Variants in CCDC141 observed in about 807,000 individuals in gnomAD.
The protein encoded by CCDC141 is coiled-coil domain-containing protein 141.
Under a neutral mutation model 181.0 loss-of-function variants are expected in CCDC141, and 168 were observed. The ratio of observed to expected loss-of-function variants is 0.93; its 90% CI spans 0.82 to 1.05. The LOEUF (loss-of-function observed/expected upper bound fraction) is 1.05, where lower values mean the gene tolerates loss of function less well. Ranked by LOEUF, CCDC141 falls within the 50% of genes least tolerant of loss-of-function variation. CCDC141 has a pLI of 0.00. For synonymous variants in CCDC141, 666 were observed against 642.3 expected (o/e 1.04, Z -0.56); for missense variants, 1,902 against 1,788.5 (o/e 1.06, Z -1.14).
intron 11 of CCDC141, among the ~76,000 whole-genome samples, chr2:178,882,663 G>C (rs10171447): frequency 0.25 from 38,421 of 152,000 alleles, 5,457 homozygotes; most frequent in African/African-American, 0.37. Flanking sequence ...CTTGAGAATT[G>C]CTACCAAATG....
intron 2 of CCDC141, among the ~76,000 whole-genome samples, chr2:179,047,022 C>T (rs1275179899): frequency 6.6e-6 from 1 of 151,642 alleles, no homozygotes; most frequent in Non-Finnish European, 1.5e-5. Flanking sequence ...ACTGAGGCAG[C>T]CAGGAAAAAA....
At chr2:179,031,449 A>AT in intron 2 of CCDC141, among the ~76,000 whole-genome samples, 1 of 151,304 alleles carries the variant, frequency 6.6e-6, no homozygotes, top group South Asian at 2.1e-4. Flanking sequence ...GTTCTTACTG[A>AT]TTTTCCCTGT....
chr2:179,048,421 G>A (rs1192070179), intron 1 of CCDC141, among the ~76,000 whole-genome samples: 1 of 152,062 alleles, frequency 6.6e-6, no homozygotes, highest in African/African-American at 2.4e-5. Flanking sequence ...TAAAATAAGA[G>A]TTTCCAGTGT....
chr2:178,855,235 C>T (rs745801858), intron 19 of CCDC141, 112 bp downstream of exon 19: 47 of 813,090 alleles, frequency 5.8e-5, no homozygotes, highest in Non-Finnish European at 8.2e-5. Flanking sequence ...TGAAAAGGAG[C>T]ATGATACATG....
Position 178,834,184 on chromosome 2 carries a change from G to A in CCDC141, c.4582C>T (p.Leu1528Phe). The change falls in exon 24 of 24, where the codon CTC becomes TTC. Residue 1528 changes from leucine to phenylalanine, a missense_variant. Physicochemically the swap from Leu to Phe is conservative, Grantham distance 22. Transcript: ENST00000443758. The part of the protein sequence containing the change: ...YVSVSLMYWL[L>F]TQ Reference sequence around the variant, plus strand: ...TGCCAACACCACAGTTATTGTGTGAGGAGCCAGTACATTAGGGACACACTA... The same window carrying A: ...TGCCAACACCACAGTTATTGTGTGAAGAGCCAGTACATTAGGGACACACTA... The A allele has an allele frequency of 6.5e-7, 1 of 1,535,692 alleles. No homozygotes were observed. The highest frequency in any genetic ancestry group is 2.0e-5 in the Admixed American group (1 of 50,988).
chr2:178,920,861 G>C (rs987706401), intron 6 of CCDC141, among the ~76,000 whole-genome samples: 1 of 152,124 alleles, frequency 6.6e-6, no homozygotes, highest in Non-Finnish European at 1.5e-5. Flanking sequence ...ATGAATACAG[G>C]AGTATAAAAT....
chr2:179,036,357 G>C (rs1050037845), intron 2 of CCDC141, among the ~76,000 whole-genome samples: 18 of 152,152 alleles, frequency 1.2e-4, no homozygotes, highest in African/African-American at 4.1e-4. Context: ...ACTCCATGTT[G>C]AAGAAGCCTA....
intron 2 of CCDC141, among the ~76,000 whole-genome samples, chr2:179,037,993 A>G (rs757988293): frequency 6.6e-6 from 1 of 152,238 alleles, no homozygotes; most frequent in Non-Finnish European, 1.5e-5. Flanking sequence ...CACAGGACCC[A>G]GCAATTTCAC....
intron 6 of CCDC141, among the ~76,000 whole-genome samples, chr2:178,930,293 T>A (rs1324260971): frequency 6.6e-6 from 1 of 152,014 alleles, no homozygotes; most frequent in African/African-American, 2.4e-5. Flanking sequence ...TACAAAACAT[T>A]GTTAAAAAAT....
At chr2:178,866,568 T>A (rs1428244921) in intron 16 of CCDC141, among the ~76,000 whole-genome samples, 1 of 152,236 alleles carries the variant, frequency 6.6e-6, no homozygotes, top group Non-Finnish European at 1.5e-5. Flanking sequence ...TTAGTGGATA[T>A]CTTACATGTA....
At chr2:178,840,793 G>A (rs1190028837) in intron 22 of CCDC141, among the ~76,000 whole-genome samples, 1 of 152,130 alleles carries the variant, frequency 6.6e-6, no homozygotes, top group Non-Finnish European at 1.5e-5. Context: ...ACACATGAAA[G>A]GAATATAAGG....
chr2:178,983,877 T>C (rs28860617), intron 2 of CCDC141, among the ~76,000 whole-genome samples: 46,593 of 148,876 alleles, frequency 0.31, 8,148 homozygotes, highest in East Asian at 0.65. Context: ...TGGAACCAAG[T>C]TGGAAAACAC....
At chr2:178,881,915 T>TCTCTCTCA (rs1465946696) in intron 11 of CCDC141, among the ~76,000 whole-genome samples, 27 of 92,356 alleles carry the variant, frequency 2.9e-4, no homozygotes, top group African/African-American at 8.6e-4. Flanking sequence ...TCTCTCTCTC[T>TCTCTCTCA]CACACACACA....
At chr2:178,949,913 A>G (rs1476507815) in intron 5 of CCDC141, among the ~76,000 whole-genome samples, 5 of 152,240 alleles carry the variant, frequency 3.3e-5, no homozygotes, top group African/African-American at 1.2e-4. Flanking sequence ...GCCCAAAGCA[A>G]CACATCAGAA....
chr2:178,866,582 TA>T (rs1451783257), intron 16 of CCDC141, among the ~76,000 whole-genome samples: 3 of 152,248 alleles, frequency 2.0e-5, no homozygotes, highest in Non-Finnish European at 2.9e-5. Context: ...ACATGTATTT[TA>T]AAATAAAATG....
At chr2:178,903,614 G>A (rs1687814282) in intron 8 of CCDC141, among the ~76,000 whole-genome samples, 2 of 106,024 alleles carry the variant, frequency 1.9e-5, no homozygotes. Flanking sequence ...TGTGGGGTGG[G>A]GGGAGGGGGG....
At chr2:179,038,999 A>C (rs2043220821) in intron 2 of CCDC141, among the ~76,000 whole-genome samples, 1 of 152,182 alleles carries the variant, frequency 6.6e-6, no homozygotes, top group South Asian at 2.1e-4. Flanking sequence ...ACCTCACCTG[A>C]GGATGTAATG....
intron 2 of CCDC141, among the ~76,000 whole-genome samples, chr2:178,983,636 G>A (rs1691557110): frequency 6.8e-6 from 1 of 148,122 alleles, no homozygotes; most frequent in South Asian, 2.2e-4. Context: ...TGATGGAGCT[G>A]AAAACCAAGG....
the CCDC141 span, among the ~76,000 whole-genome samples, chr2:178,823,705 G>T: frequency 6.6e-6 from 1 of 152,132 alleles, no homozygotes; most frequent in African/African-American, 2.4e-5. Flanking sequence ...TGCTATCAAT[G>T]AAGAATTTAA....
Sources: allele counts gnomAD v4.1 joint callset (sites outside exome capture counted in the v4.1 genomes callset), GRCh38; gene constraint gnomAD v4.1.1; transcripts MANE v1.5; gene names NCBI Gene and HGNC (gene_info 2026-07-23, HGNC 2026-07-21).